The following SRGAP1 variants were observed in gnomAD, a reference collection of about 807,000 sequenced individuals.
The protein encoded by SRGAP1 is SLIT-ROBO Rho GTPase-activating protein 1.
A neutral mutation model predicts 121.9 loss-of-function variants in SRGAP1; 43 were observed. That is an observed-to-expected ratio of 0.35 (90% confidence interval 0.28 to 0.46). SRGAP1 has a LOEUF of 0.46. Among genes scored for constraint, SRGAP1 ranks in the 20% least tolerant of loss-of-function variants. The pLI is 1.00. For missense variants in SRGAP1, 1,102 were observed against 1,350.9 expected, an observed-to-expected ratio of 0.82 and a Z score of 2.89; for synonymous variants, 447 against 485.4, an observed-to-expected ratio of 0.92 and a Z score of 1.04.
At chr12:64,125,893 A>G in intron 18 of SRGAP1, 84 bp from the exon 19 acceptor site, 1 of 1,400,378 alleles carries the variant, frequency 7.1e-7, no homozygotes, top group Non-Finnish European at 9.8e-7. Context: ...TGATCATTTG[A>G]AGCCTCATAG....
chr12:63,967,143 A>G (rs1379891767), intron 1 of SRGAP1, among the ~76,000 whole-genome samples: 3 of 152,212 alleles, frequency 2.0e-5, no homozygotes, highest in Non-Finnish European at 2.9e-5. Flanking sequence ...TCATTTTTAT[A>G]TAAAAGCAAC....
At chr12:63,883,424 G>A (rs1436606690) in intron 1 of SRGAP1, among the ~76,000 whole-genome samples, 1 of 152,146 alleles carries the variant, frequency 6.6e-6, no homozygotes, top group Admixed American at 6.5e-5. Context: ...ATCCCATATG[G>A]TAGATTGACA....
Position 63,844,909 on chromosome 12 carries a change from T to G in SRGAP1, c.67+26T>G, listed in dbSNP as rs758531698. On this transcript the variant is annotated intron_variant, in intron 1 of 21. Coordinates refer to ENST00000355086, the MANE Select transcript of SRGAP1 (RefSeq NM_020762.4). This position sits in a 1 kb window ranked among gnomAD's most constrained non-coding sequence, Gnocchi z 4.3. ...GTAAGGATGGGAGCGGCTGCCTTGC[T>G]CCTTTTGTGTGCCTTCTTGTCATTG... 1 of 1,603,534 alleles carries G rather than the reference T, an allele frequency of 6.2e-7. No individual in the cohort carries two copies. Among genetic ancestry groups the G allele is most frequent in the East Asian group, 2.2e-5 (1 of 44,836 alleles).
At chr12:63,874,153 A>G in intron 1 of SRGAP1, among the ~76,000 whole-genome samples, 1 of 152,296 alleles carries the variant, frequency 6.6e-6, no homozygotes, top group South Asian at 2.1e-4. Flanking sequence ...TAAATAATCA[A>G]ATCAATTATT....
chr12:64,060,197 C>CT (rs772344837), intron 6 of SRGAP1, among the ~76,000 whole-genome samples: 6 of 136,456 alleles, frequency 4.4e-5, no homozygotes, highest in East Asian at 2.1e-4. Context: ...TCCTTTCTTT[C>CT]TTTTTTTCTT....
intron 1 of SRGAP1, among the ~76,000 whole-genome samples, chr12:63,922,083 A>T (rs2031077631): frequency 6.6e-6 from 1 of 150,710 alleles, no homozygotes; most frequent in African/African-American, 2.4e-5. Flanking sequence ...GCTTCCAGTG[A>T]TTCTCTTGCA....
intron 15 of SRGAP1, among the ~76,000 whole-genome samples, chr12:64,101,848 G>GGT (rs1225474321): frequency 6.6e-6 from 1 of 151,972 alleles, no homozygotes; most frequent in African/African-American, 2.4e-5. Context: ...TTTTACATTA[G>GGT]GTGTTATTAT....
intron 1 of SRGAP1, among the ~76,000 whole-genome samples, chr12:63,941,968 T>C (rs1318895833): frequency 6.6e-6 from 1 of 152,146 alleles, no homozygotes; most frequent in East Asian, 1.9e-4. Context: ...GGTTTGGAAA[T>C]CAGATCCTGA....
intron 1 of SRGAP1, among the ~76,000 whole-genome samples, chr12:63,905,891 C>T (rs2030181518): frequency 6.6e-6 from 1 of 152,184 alleles, no homozygotes; most frequent in Non-Finnish European, 1.5e-5. Flanking sequence ...CAATCAGACC[C>T]ATGGAGGAAT....
chr12:64,006,779 A>G (rs186558495), intron 3 of SRGAP1, among the ~76,000 whole-genome samples: 1,834 of 150,778 alleles, frequency 0.012, 27 homozygotes, highest in Non-Finnish European at 0.016. Flanking sequence ...CCTGGGGGGG[A>G]AAAAAGAATT....
intron 6 of SRGAP1, among the ~76,000 whole-genome samples, chr12:64,055,420 C>T (rs2035321737): frequency 6.6e-6 from 1 of 151,640 alleles, no homozygotes; most frequent in Non-Finnish European, 1.5e-5. Context: ...TGAAAATGGC[C>T]ATACTGCCCA....
In SRGAP1 at chr12:63,945,734, G is replaced by A. The variant is rs75875642; in HGVS notation, c.68-38213G>A. Among the ~76,000 whole-genome samples, 3 of 152,300 alleles carry A rather than the reference G, an allele frequency of 2.0e-5. No individual in the cohort carries two copies. In the East Asian group the frequency reaches 5.8e-4, roughly 29 times the overall value. On this transcript the variant is annotated intron_variant, in intron 1 of 21. Transcript: ENST00000355086. ...CACAGGGGAGCTCTGGAACTGAGAT[G>A]GCCCCAGCAAGGGAGCAGAATCTTG...
chr12:64,084,551 G>T (rs1391851369), intron 10 of SRGAP1, among the ~76,000 whole-genome samples: 1 of 151,628 alleles, frequency 6.6e-6, no homozygotes, highest in Non-Finnish European at 1.5e-5. Context: ...AGGACTATTA[G>T]CTGAAAAAAC....
chr12:64,006,419 G>C (rs568049920), intron 3 of SRGAP1, among the ~76,000 whole-genome samples: 1 of 152,164 alleles, frequency 6.6e-6, no homozygotes, highest in Admixed American at 6.5e-5. Flanking sequence ...AGCCTATGGC[G>C]TGATGAAGGA....
chr12:63,894,358 C>G (rs930467232), intron 1 of SRGAP1, among the ~76,000 whole-genome samples: 1 of 152,150 alleles, frequency 6.6e-6, no homozygotes, highest in Admixed American at 6.5e-5. Flanking sequence ...CACTCTCCCC[C>G]TCCTAGCAAC....
intron 18 of SRGAP1, among the ~76,000 whole-genome samples, chr12:64,124,876 G>C (rs1176475421): frequency 1.3e-5 from 2 of 151,924 alleles, no homozygotes; most frequent in Non-Finnish European, 2.9e-5. Context: ...TGTCAATGGT[G>C]ATATCTTACA....
chr12:64,000,195 A>G (rs747000136), intron 3 of SRGAP1, among the ~76,000 whole-genome samples: 2 of 151,092 alleles, frequency 1.3e-5, no homozygotes, highest in Admixed American at 1.3e-4. Flanking sequence ...AGGAGGAAAG[A>G]TAAGGGAAGT....
rs1322131270 is a variant in SRGAP1, at chr12:64,062,996, C to T, written c.881C>T (p.Ser294Phe). 6.2e-7 allele frequency: 1 copy of T among 1,614,000 alleles called. No individual in the cohort carries two copies. Among genetic ancestry groups the T allele is most frequent in the Admixed American group, 1.7e-5 (1 of 60,008 alleles). Residue 294 changes from serine (S) to phenylalanine (F), a missense_variant, in exon 7 of 22, where the codon TCC becomes TTC. Transcript: ENST00000355086. ...YLSAEYNLETSRHEGLDIIEN... is the reference protein window; with the variant it reads ...YLSAEYNLETFRHEGLDIIEN... Reference sequence around the variant, plus strand: ...TCTGCGGAGTACAACCTTGAAACCTCCAGACATGAGGGCTTAGACATTATT... The same window carrying T: ...TCTGCGGAGTACAACCTTGAAACCTTCAGACATGAGGGCTTAGACATTATT...
chr12:63,954,171 T>C (rs542063562), intron 1 of SRGAP1, among the ~76,000 whole-genome samples: 46 of 152,324 alleles, frequency 3.0e-4, no homozygotes, highest in African/African-American at 1.1e-3. Flanking sequence ...AAACTTTTTT[T>C]CCTCTGCCTA....
Sources: gnomAD v4.1 joint callset for allele counts (sites outside exome capture counted in the v4.1 genomes callset) on GRCh38, gnomAD v4.1.1 for gene constraint, Gnocchi (gnomAD v3.1) non-coding constraint, MANE v1.5 for transcripts, NCBI Gene and HGNC (gene_info 2026-07-23, HGNC 2026-07-21) for gene names.